RNF144A: variants seen among roughly 807,000 people sequenced by gnomAD.
RNF144A encodes E3 ubiquitin-protein ligase RNF144A.
In RNF144A, 11 loss-of-function variants were observed where a neutral mutation model predicts 38.7. The observed-to-expected ratio is 0.28, with a 90% CI of 0.18 to 0.47. RNF144A has a LOEUF of 0.47. Ranked by LOEUF, RNF144A falls within the 20% of genes least tolerant of loss-of-function variation. The pLI is 0.99. For synonymous variants in RNF144A, 149 were observed against 143.9 expected (o/e 1.04, Z -0.25); for missense variants, 316 against 377.2 (o/e 0.84, Z 1.34).
chr2:7,068,174 T>A (rs1323098350), intron 6 of RNF144A: 8 of 1,039,388 alleles, frequency 7.7e-6, no homozygotes, highest in Non-Finnish European at 1.1e-5. Context: ...TAAGCTTTTC[T>A]GTGCTTTAAC....
intron 1 of RNF144A, among the ~76,000 whole-genome samples, chr2:6,940,568 A>T (rs978169352): frequency 6.6e-6 from 1 of 151,754 alleles, no homozygotes; most frequent in Non-Finnish European, 1.5e-5. Flanking sequence ...ATTTTATTAT[A>T]TACTTCTGAG....
At chr2:6,931,093 TGTTCATGTCAGAACTGGGACA>T (rs1322046190) in intron 1 of RNF144A, among the ~76,000 whole-genome samples, 4 of 152,208 alleles carry the variant, frequency 2.6e-5, no homozygotes, top group Non-Finnish European at 4.4e-5. Context: ...GACTGAGTAC[TGTTCATGTCAGAACTGGGACA>T]GTGTGCCCGG....
At chr2:7,061,824 A>T (rs1258585225) in intron 6 of RNF144A, among the ~76,000 whole-genome samples, 1 of 152,246 alleles carries the variant, frequency 6.6e-6, no homozygotes, top group Non-Finnish European at 1.5e-5. Flanking sequence ...TATGTTCTTT[A>T]GATATATTAT....
chr2:7,045,177 C>T (rs1042620884), downstream of RNF144A, among the ~76,000 whole-genome samples: 6 of 152,134 alleles, frequency 3.9e-5, no homozygotes, highest in South Asian at 2.1e-4. Context: ...GTCCAACTGG[C>T]GTGTCGGGGT....
intron 8 of RNF144A, among the ~76,000 whole-genome samples, chr2:7,037,055 T>A (rs1672726607): frequency 6.6e-6 from 1 of 152,216 alleles, no homozygotes; most frequent in Non-Finnish European, 1.5e-5. Context: ...CTGTACAGAT[T>A]CTCTCTGGAG....
rs186625507 is a variant in RNF144A, at chr2:7,007,404, G to A, written c.136-7050G>A. ...TGTTAGACATTCTGAGTATTTGCAC[G>A]CCTACTCACATTGTCTCACACTCAG... is the stretch of plus-strand genomic sequence containing the variant. On this transcript the variant is annotated intron_variant, in intron 3 of 8. Coordinates refer to ENST00000320892, the MANE Select transcript of RNF144A (RefSeq NM_014746.6). Among the ~76,000 whole-genome samples, 271 of 152,256 alleles carry A rather than the reference G, an allele frequency of 1.8e-3. 2 individuals carry two copies. Among genetic ancestry groups the A allele is most frequent in the Middle Eastern group, 0.01 (3 of 294 alleles).
intron 2 of RNF144A, among the ~76,000 whole-genome samples, chr2:6,980,305 G>A (rs1344088409): frequency 1.3e-5 from 2 of 152,128 alleles, no homozygotes. Context: ...AAAAGTCCAA[G>A]TCCATAGTCT....
chr2:7,006,554 C>T (rs1670454072), intron 3 of RNF144A, among the ~76,000 whole-genome samples: 1 of 151,994 alleles, frequency 6.6e-6, no homozygotes, highest in African/African-American at 2.4e-5. Flanking sequence ...AGAGTTGTGG[C>T]CCCGCTACCC....
intron 2 of RNF144A, among the ~76,000 whole-genome samples, chr2:6,951,754 T>G (rs1050284424): frequency 6.6e-6 from 1 of 152,224 alleles, no homozygotes; most frequent in African/African-American, 2.4e-5. Context: ...TAAATGTAAT[T>G]ACCTTTTTAA....
chr2:6,935,189 C>T (rs1176051552), intron 1 of RNF144A, among the ~76,000 whole-genome samples: 1 of 152,222 alleles, frequency 6.6e-6, no homozygotes, highest in African/African-American at 2.4e-5. Flanking sequence ...TCACCATCTT[C>T]ATCTTCCTTC....
intron 6 of RNF144A, chr2:7,062,650 A>G (rs577717857): frequency 6.6e-6 from 1 of 152,220 alleles, no homozygotes; most frequent in Non-Finnish European, 1.5e-5. Flanking sequence ...AGAGCCAGAT[A>G]AAGTTTGCTC....
intron 3 of RNF144A, 71 bp downstream of exon 3, chr2:6,997,132 C>T (rs1669800108): frequency 6.7e-6 from 10 of 1,484,880 alleles, no homozygotes; most frequent in Non-Finnish European, 9.4e-6. Flanking sequence ...TTTGCAGAGA[C>T]ACTAGGCAAA....
At chr2:7,057,194 T>C (rs1673776770) in intron 6 of RNF144A, among the ~76,000 whole-genome samples, 1 of 152,238 alleles carries the variant, frequency 6.6e-6, no homozygotes, top group Admixed American at 6.5e-5. Context: ...TACAACAGAT[T>C]GAAACAATGA....
In RNF144A at chr2:6,941,475, G is replaced by C. The variant is rs1665971379; in HGVS notation, c.-12+328G>C. Among the ~76,000 whole-genome samples the C allele has an allele frequency of 6.6e-6, 1 of 152,214 alleles. No homozygotes were observed. Among genetic ancestry groups the C allele is most frequent in the Non-Finnish European group, 1.5e-5 (1 of 68,040 alleles). ...GAACACGTGGATTGAGCTCCTGCGT[G>C]TGCCAGGCACAGCTCTAACTCAGAA... On this transcript the variant is annotated intron_variant, in intron 2 of 8. Coordinates refer to ENST00000320892, the MANE Select transcript of RNF144A (RefSeq NM_014746.6). The surrounding 1 kb of genome is among the most constrained non-coding windows in gnomAD (Gnocchi z 6.5).
intron 2 of RNF144A, among the ~76,000 whole-genome samples, chr2:6,947,871 A>G (rs1229591883): frequency 4.6e-5 from 7 of 152,218 alleles, no homozygotes; most frequent in African/African-American, 1.7e-4. Context: ...TTTGTTCATT[A>G]TACAATGGGA....
chr2:6,960,885 G>T (rs1482387516), intron 2 of RNF144A, among the ~76,000 whole-genome samples: 1 of 152,136 alleles, frequency 6.6e-6, no homozygotes, highest in African/African-American at 2.4e-5. Context: ...GAAAGTGCTG[G>T]CATGCGCTTA....
intron 1 of RNF144A, chr2:6,918,763 C>CGTCTCA (rs1664327762): frequency 2.1e-5 from 1 of 48,760 alleles, no homozygotes; most frequent in African/African-American, 7.9e-5. Flanking sequence ...GACTCCGTCT[C>CGTCTCA]AAAAAAAAAA....
chr2:7,033,664 T>G (rs547425150), intron 8 of RNF144A, among the ~76,000 whole-genome samples: 1 of 152,294 alleles, frequency 6.6e-6, no homozygotes, highest in South Asian at 2.1e-4. Context: ...TGAAGTCTCT[T>G]GTGTGTGACT....
At position 7,042,555 on chromosome 2, in the gene RNF144A, C is replaced by T; in HGVS notation, c.*2795C>T. ...TGGCCAGTGAGGACTGGCCTTAGCC[C>T]AGTGGACCTGTGGCTTCTCTGAGGC... On this transcript the variant is annotated 3_prime_UTR_variant, in exon 9 of 9. Transcript: ENST00000320892. 1.0e-6 allele frequency: 1 copy of T among 985,548 alleles called. No individual in the cohort carries two copies. The highest frequency in any genetic ancestry group is 1.2e-6 in the Non-Finnish European group (1 of 830,006). The allele number at this position is 985,548 out of a possible 1,614,324, so 61.1% of individuals were successfully genotyped here.
Sources: gnomAD v4.1 joint callset for allele counts (sites outside exome capture counted in the v4.1 genomes callset) on GRCh38, gnomAD v4.1.1 for gene constraint, Gnocchi (gnomAD v3.1) non-coding constraint, MANE v1.5 for transcripts, NCBI Gene and HGNC (gene_info 2026-07-23, HGNC 2026-07-21) for gene names.